ST8SIA4: variants seen among roughly 807,000 people sequenced by gnomAD.
The protein encoded by ST8SIA4 is CMP-N-acetylneuraminate-poly-alpha-2,8-sialyltransferase.
Under a neutral mutation model 33.9 loss-of-function variants are expected in ST8SIA4, and 15 were observed. That is an observed-to-expected ratio of 0.44 (90% CI 0.30 to 0.68). ST8SIA4 has a LOEUF of 0.68. ST8SIA4 is among the 30% of genes least tolerant of loss of function. The pLI is 0.10. For synonymous variants in ST8SIA4, 171 were observed against 151.2 expected, an observed-to-expected ratio of 1.13 and a Z score of -0.96; for missense variants, 321 against 428.0, an observed-to-expected ratio of 0.75 and a Z score of 2.21.
Position 100,885,795 on chromosome 5 carries a change from T to C in ST8SIA4, c.503+548A>G, listed in dbSNP as rs147807638. 5.9e-4 allele frequency: 537 copies of C among 902,612 alleles called. 1 individual carries two copies. The highest frequency in any genetic ancestry group is 3.4e-3 in the Middle Eastern group (6 of 1,750). The allele number at this position is 902,612 out of a possible 1,614,324, so 55.9% of individuals were successfully genotyped here. On this transcript the variant is annotated intron_variant, in intron 3 of 4. Coordinates refer to ENST00000231461, the MANE Select transcript of ST8SIA4 (RefSeq NM_005668.6). ...AAACAAACATGCACGCTTAATTATG[T>C]TAAAAAAACATAAAATTCAAATATA...
chr5:100,842,842 G>GTAAAGTAGAATCTGTGCCATGCTAGTT (rs1404016173), intron 4 of ST8SIA4, among the ~76,000 whole-genome samples: 1 of 151,796 alleles, frequency 6.6e-6, no homozygotes, highest in African/African-American at 2.4e-5. Context: ...TATTAATAGT[G>GTAAAGTAGAATCTGTGCCATGCTAGTT]TAAAGTAGAA....
At chr5:100,816,767 CTTT>C (rs997113299) in intron 4 of ST8SIA4, among the ~76,000 whole-genome samples, 2 of 151,916 alleles carry the variant, frequency 1.3e-5, no homozygotes, top group African/African-American at 4.8e-5. Flanking sequence ...CAAAATATAC[CTTT>C]GTATTCTTAA....
chr5:100,842,314 G>A (rs891368437), intron 4 of ST8SIA4, among the ~76,000 whole-genome samples: 3 of 151,858 alleles, frequency 2.0e-5, no homozygotes, highest in Non-Finnish European at 4.4e-5. Context: ...TGTGAGCTGA[G>A]CAAAGAACAA....
At chr5:100,848,218 G>A (rs1339501254) in intron 4 of ST8SIA4, among the ~76,000 whole-genome samples, 1 of 151,670 alleles carries the variant, frequency 6.6e-6, no homozygotes, top group Admixed American at 6.6e-5. Flanking sequence ...AATCCTAAGT[G>A]ACCACAGTTG....
chr5:100,842,870 T>A lies in ST8SIA4; in HGVS notation c.797+13233A>T, dbSNP rs1402798558. 5.3e-5 allele frequency among the ~76,000 whole-genome samples: 8 copies of A among 151,928 alleles called. No individual in the cohort carries two copies. In the East Asian group the frequency reaches 1.2e-3, roughly 22 times the overall value. On this transcript the variant is annotated intron_variant, in intron 4 of 4. Transcript: ENST00000231461. ...AAGTAGAATCTGTGCCATGCTAGAT[T>A]ATGTTATGATACATTCAGTCACATG...
intron 4 of ST8SIA4, among the ~76,000 whole-genome samples, chr5:100,839,737 C>T (rs1751434765): frequency 6.6e-6 from 1 of 151,718 alleles, no homozygotes; most frequent in Non-Finnish European, 1.5e-5. Context: ...AAAAATCATA[C>T]ATCAAAAAGA....
chr5:100,875,002 C>T (rs746724617), intron 3 of ST8SIA4, among the ~76,000 whole-genome samples: 12 of 152,128 alleles, frequency 7.9e-5, no homozygotes, highest in Non-Finnish European at 1.3e-4. Flanking sequence ...TTTTCTAATG[C>T]TTACTAGCTT....
At position 100,833,076 on chromosome 5, in the gene ST8SIA4, T is replaced by C. The variant is rs149029783; in HGVS notation, c.798-20947A>G. On this transcript the variant is annotated intron_variant, in intron 4 of 4. Transcript: ENST00000231461. ...GAGTCAGGCAAACTCTGTACCCTTA[T>C]ATCACACGTAGGTGTCTGCTTGGTT... Among the ~76,000 whole-genome samples, 77 of 152,290 alleles carry C rather than the reference T, an allele frequency of 5.1e-4. 1 individual carries two copies. The highest frequency in any genetic ancestry group is 1.8e-3 in the African/African-American group (76 of 41,568).
At chr5:100,854,311 C>T (rs1432794944) in intron 4 of ST8SIA4, among the ~76,000 whole-genome samples, 9 of 151,698 alleles carry the variant, frequency 5.9e-5, no homozygotes, top group East Asian at 1.9e-4. Context: ...AGGCCAGGCA[C>T]GGTGGCTCAT....
At position 100,896,708 on chromosome 5, in the gene ST8SIA4, T is replaced by G. The variant is rs112993345; in HGVS notation, c.114-923A>C. ...CCCGTAAATATATACAATTATTGTT[T>G]GGCAACTAAAATAAGATAAAACAAA... On this transcript the variant is annotated intron_variant, in intron 1 of 4. Transcript: ENST00000231461. 8.1e-3 allele frequency among the ~76,000 whole-genome samples: 1,239 copies of G among 152,282 alleles called. 18 individuals carry two copies. The highest frequency in any genetic ancestry group is 0.028 in the African/African-American group (1,184 of 41,572).
chr5:100,823,820 A>G (rs1161038897), intron 4 of ST8SIA4, among the ~76,000 whole-genome samples: 1 of 152,256 alleles, frequency 6.6e-6, no homozygotes, highest in African/African-American at 2.4e-5. Flanking sequence ...GGCACTGCCT[A>G]AGACAAACAT....
At position 100,807,651 on chromosome 5, in the gene ST8SIA4, A is replaced by G. The variant is rs766925650; in HGVS notation, c.*4196T>C. The G allele has an allele frequency of 2.6e-5, 4 of 152,548 alleles. No individual in the cohort carries two copies. The highest frequency in any genetic ancestry group is 5.9e-5 in the Non-Finnish European group (4 of 67,966). 9.4% of individuals were successfully genotyped at this position (152,548 alleles called of 1,614,324 possible). On this transcript the variant is annotated 3_prime_UTR_variant, in exon 5 of 5. Transcript: ENST00000231461. ...GACATAGAATTCAGTTATAAAGTAG[A>G]TACCTCTTAAAGCACGTTAGTAACT...
chr5:100,875,789 T>G (rs1428285048), intron 3 of ST8SIA4, among the ~76,000 whole-genome samples: 1 of 152,166 alleles, frequency 6.6e-6, no homozygotes, highest in African/African-American at 2.4e-5. Context: ...TCTCTTTAAA[T>G]GTTTACAAGA....
At chr5:100,851,683 G>A (rs1007320050) in intron 4 of ST8SIA4, among the ~76,000 whole-genome samples, 2 of 151,846 alleles carry the variant, frequency 1.3e-5, no homozygotes, top group African/African-American at 4.8e-5. Flanking sequence ...TCTATCTATA[G>A]GTTTTTTGGA....
At chr5:100,860,381 A>G (rs1751910335) in intron 3 of ST8SIA4, among the ~76,000 whole-genome samples, 1 of 152,126 alleles carries the variant, frequency 6.6e-6, no homozygotes, top group Non-Finnish European at 1.5e-5. Context: ...TTCTGCCCCT[A>G]AAGGAAGCTT....
At chr5:100,838,140 A>T (rs10078934) in intron 4 of ST8SIA4, among the ~76,000 whole-genome samples, 42,534 of 151,852 alleles carry the variant, frequency 0.28, 6,210 homozygotes, top group Non-Finnish European at 0.32. Context: ...GAAGGACAGG[A>T]TGTCAGTGCC....
intron 3 of ST8SIA4, among the ~76,000 whole-genome samples, chr5:100,884,067 T>C (rs535255625): frequency 7.1e-4 from 108 of 152,284 alleles, no homozygotes; most frequent in East Asian, 3.7e-3. Context: ...CCACAAAATA[T>C]GGAGTAAAAA....
intron 1 of ST8SIA4, among the ~76,000 whole-genome samples, chr5:100,898,286 C>T (rs1243106247): frequency 6.6e-6 from 1 of 152,118 alleles, no homozygotes; most frequent in Non-Finnish European, 1.5e-5. Flanking sequence ...TCACAAGTCC[C>T]TGTCTCTAAA....
chr5:100,886,640 G>A (rs1327275807), intron 2 of ST8SIA4, 40 bp from the exon 3 acceptor site: 4 of 1,513,258 alleles, frequency 2.6e-6, no homozygotes, highest in South Asian at 1.1e-5. Flanking sequence ...ATTACCATCA[G>A]CATATCCAAG....
Sources: allele counts gnomAD v4.1 joint callset (sites outside exome capture counted in the v4.1 genomes callset), GRCh38; gene constraint gnomAD v4.1.1; transcripts MANE v1.5; gene names NCBI Gene and HGNC (gene_info 2026-07-23, HGNC 2026-07-21).